PDE8B: variants seen among roughly 807,000 people sequenced by gnomAD.
PDE8B encodes phosphodiesterase 8B, also known as high affinity cAMP-specific and IBMX-insensitive 3',5'-cyclic phosphodiesterase 8B.
In PDE8B, 26 loss-of-function variants were observed where a neutral mutation model predicts 101.3. The ratio of observed to expected loss-of-function variants is 0.26; its 90% CI spans 0.19 to 0.36. PDE8B has a LOEUF of 0.36. Among genes scored for constraint, PDE8B ranks in the 10% least tolerant of loss-of-function variants. PDE8B has a pLI of 1.00. For synonymous variants in PDE8B, 424 were observed against 429.3 expected (o/e 0.99, Z 0.15); for missense variants, 810 against 1,163.1 (o/e 0.70, Z 4.42).
chr5:77,284,372 G>T (rs1765583051), intron 1 of PDE8B, among the ~76,000 whole-genome samples: 1 of 152,070 alleles, frequency 6.6e-6, no homozygotes, highest in Non-Finnish European at 1.5e-5. Context: ...CATGCCTTTG[G>T]TGTCATACCT....
chr5:77,288,694 T>C (rs1235937137), intron 1 of PDE8B, among the ~76,000 whole-genome samples: 6 of 152,210 alleles, frequency 3.9e-5, no homozygotes, highest in African/African-American at 7.2e-5. Flanking sequence ...ACAGTTGCTA[T>C]GTTTAACTCT....
the PDE8B span, chr5:77,105,276 A>T: frequency 6.6e-6 from 1 of 152,248 alleles, no homozygotes; most frequent in Non-Finnish European, 1.5e-5. Flanking sequence ...ACATAATGCG[A>T]AAACAATACA....
intron 1 of PDE8B, among the ~76,000 whole-genome samples, chr5:77,266,622 T>A (rs1251851487): frequency 6.6e-6 from 1 of 152,182 alleles, no homozygotes; most frequent in Non-Finnish European, 1.5e-5. Flanking sequence ...AGTTAAGTAT[T>A]GATCAGTTGA....
chr5:77,218,854 A>C (rs1009270701), intron 1 of PDE8B, among the ~76,000 whole-genome samples: 2 of 152,176 alleles, frequency 1.3e-5, no homozygotes, highest in Non-Finnish European at 2.9e-5. Context: ...ATTTAGATTT[A>C]GATATTTTTG....
chr5:77,131,771 A>G, the PDE8B span, among the ~76,000 whole-genome samples: 1 of 152,222 alleles, frequency 6.6e-6, no homozygotes, highest in Admixed American at 6.5e-5. Context: ...AGTGATCTTA[A>G]CAAAAGGCTT....
intron 20 of PDE8B, among the ~76,000 whole-genome samples, chr5:77,424,096 C>T (rs895467310): frequency 6.6e-6 from 1 of 152,060 alleles, no homozygotes; most frequent in Non-Finnish European, 1.5e-5. Flanking sequence ...GAGAGAAGAA[C>T]AGGAAGGGAG....
At chr5:77,166,234 A>AAAC in the PDE8B span, among the ~76,000 whole-genome samples, 1 of 150,970 alleles carries the variant, frequency 6.6e-6, no homozygotes, top group Non-Finnish European at 1.5e-5. Flanking sequence ...GATAAAAAAA[A>AAAC]AAAAAAAAAA....
chr5:77,183,369 C>T, the PDE8B span, among the ~76,000 whole-genome samples: 31 of 152,080 alleles, frequency 2.0e-4, no homozygotes, highest in Non-Finnish European at 2.8e-4. Context: ...CCACCCGCCT[C>T]GGCCTCCCAA....
At position 77,274,022 on chromosome 5, in the gene PDE8B, A is replaced by G. The variant is rs2149794943; in HGVS notation, c.340-37972A>G. 1.3e-5 allele frequency among the ~76,000 whole-genome samples: 2 copies of G among 152,106 alleles called. 1 individual carries two copies. The highest frequency in any genetic ancestry group is 4.2e-4 in the South Asian group (2 of 4,816). On this transcript the variant is annotated intron_variant, in intron 1 of 21. Coordinates refer to ENST00000264917, the MANE Select transcript of PDE8B (RefSeq NM_003719.5). The stretch of plus-strand genomic sequence containing the variant: ...TTTTTAGTAGAGACAAAGTTTCTCC[A>G]TGTTGGTCAGGCTGGTCTCGAACTC...
intron 2 of PDE8B, among the ~76,000 whole-genome samples, chr5:77,316,905 T>C (rs1199719853): frequency 2.0e-5 from 3 of 152,104 alleles, no homozygotes; most frequent in Non-Finnish European, 2.9e-5. Context: ...TGGTAAAGAG[T>C]ACCTCTTTGA....
the PDE8B span, among the ~76,000 whole-genome samples, chr5:77,106,508 C>G: frequency 6.6e-6 from 1 of 152,132 alleles, no homozygotes; most frequent in African/African-American, 2.4e-5. Context: ...GATCGCATAT[C>G]TATGTTTTTG....
chr5:77,378,561 A>G (rs1170179392), intron 10 of PDE8B, among the ~76,000 whole-genome samples: 1 of 151,834 alleles, frequency 6.6e-6, no homozygotes, highest in African/African-American at 2.4e-5. Context: ...GTAGTGTGTA[A>G]TTGAATCACC....
At chr5:77,089,933 A>G in the PDE8B span, among the ~76,000 whole-genome samples, 2 of 152,266 alleles carry the variant, frequency 1.3e-5, no homozygotes, top group East Asian at 1.9e-4. Flanking sequence ...TATGATATAT[A>G]TACACAATGG....
At chr5:77,326,731 T>C (rs1288610563) in intron 3 of PDE8B, among the ~76,000 whole-genome samples, 3 of 152,190 alleles carry the variant, frequency 2.0e-5, no homozygotes, top group Admixed American at 6.5e-5. Flanking sequence ...TTAGGAAATA[T>C]TTTTGATGAT....
chr5:77,279,395 T>C (rs755809557), intron 1 of PDE8B, among the ~76,000 whole-genome samples: 5 of 152,226 alleles, frequency 3.3e-5, no homozygotes, highest in Non-Finnish European at 5.9e-5. Context: ...ATAATGCTAC[T>C]GTAGTTCCCA....
chr5:77,187,688 C>G, the PDE8B span, among the ~76,000 whole-genome samples: 1 of 152,192 alleles, frequency 6.6e-6, no homozygotes, highest in East Asian at 1.9e-4. Context: ...AGTCTACTTT[C>G]TCCTACCCAT....
At chr5:77,388,088 A>G (rs1789118415) in intron 10 of PDE8B, among the ~76,000 whole-genome samples, 1 of 152,076 alleles carries the variant, frequency 6.6e-6, no homozygotes. Context: ...CAATTCGTCA[A>G]ACTCATTCTC....
chr5:77,286,517 C>G (rs916733541), intron 1 of PDE8B, among the ~76,000 whole-genome samples: 1 of 152,208 alleles, frequency 6.6e-6, no homozygotes, highest in Non-Finnish European at 1.5e-5. Flanking sequence ...ATGCTAGATT[C>G]CTTCTCCAGA....
the PDE8B span, among the ~76,000 whole-genome samples, chr5:77,183,784 A>G: frequency 3.9e-5 from 6 of 152,258 alleles, no homozygotes; most frequent in Admixed American, 6.5e-5. Flanking sequence ...TATTTAACCA[A>G]TCCCTGTGAA....
Sources: gnomAD v4.1 joint callset for allele counts (sites outside exome capture counted in the v4.1 genomes callset) on GRCh38, gnomAD v4.1.1 for gene constraint, MANE v1.5 for transcripts, NCBI Gene and HGNC (gene_info 2026-07-23, HGNC 2026-07-21) for gene names.